The following MPP3 variants were observed in gnomAD, a reference collection of about 807,000 sequenced individuals.
MPP3 encodes MAGUK p55 subfamily member 3.
A neutral mutation model predicts 80.7 loss-of-function variants in MPP3; 48 were observed. The observed-to-expected ratio is 0.59, with a 90% CI of 0.47 to 0.76. The LOEUF is 0.76. Among genes scored for constraint, MPP3 ranks in the 30% least tolerant of loss-of-function variants. The probability of loss-of-function intolerance (pLI) is 0.00; values close to 1 mark genes in which losing one functional copy is unlikely to be tolerated. For missense variants in MPP3, 620 were observed against 763.0 expected, an observed-to-expected ratio of 0.81 and a Z score of 2.21; for synonymous variants, 311 against 297.6, an observed-to-expected ratio of 1.04 and a Z score of -0.46.
At chr17:43,806,748 A>G (rs1009416240) in intron 19 of MPP3, among the ~76,000 whole-genome samples, 34 of 152,172 alleles carry the variant, frequency 2.2e-4, no homozygotes, top group African/African-American at 7.9e-4. Context: ...AGCTGGGATT[A>G]CAGGCGCGTG....
In MPP3 at chr17:43,816,667, C is replaced by T; in HGVS notation, c.967+10G>A. ...CACGCCTGTGGACAGCGGATAGATA[C>T]TGGGCCTACCTTTGTCACAAGGCTG... On this transcript the variant is annotated intron_variant, in intron 13 of 19. Transcript: ENST00000398389. 1 of 1,573,204 alleles carries T rather than the reference C, an allele frequency of 6.4e-7. No individual in the cohort carries two copies. Among genetic ancestry groups the T allele is most frequent in the Non-Finnish European group, 8.6e-7 (1 of 1,158,604 alleles).
chr17:43,829,579 T>A (rs1484935147), intron 7 of MPP3, 75 bp downstream of exon 7: 5 of 1,556,234 alleles, frequency 3.2e-6, no homozygotes, highest in Non-Finnish European at 4.4e-6. Context: ...TCGGGGAGGA[T>A]CTTGTCCAGT....
chr17:43,808,690 C>T (rs192322382), intron 19 of MPP3, among the ~76,000 whole-genome samples: 6 of 152,296 alleles, frequency 3.9e-5, no homozygotes, highest in Admixed American at 2.0e-4. Flanking sequence ...TGCGGGAGGG[C>T]GCTTATGTGA....
In MPP3 at chr17:43,827,788, C is replaced by T; in HGVS notation, c.486G>A (p.Val162=). The T allele has an allele frequency of 6.2e-7, 1 of 1,613,004 alleles. No individual in the cohort carries two copies. The highest frequency in any genetic ancestry group is 8.5e-7 in the Non-Finnish European group (1 of 1,180,034). Residue 162 remains valine (V), a synonymous_variant, in exon 8 of 20, where the codon GTG becomes GTA. Coordinates refer to ENST00000398389, the MANE Select transcript of MPP3 (RefSeq NM_001932.6). ...CTGCGCCTCCTCGCATGATCCTGGC[C>T]ACCACAACAGCCCCTGAGTGCTCGT... is the stretch of plus-strand genomic sequence containing the variant. ...RRDEHSGAVV[V]ARIMRGGAAD... is the part of the protein sequence containing the mutation.
intron 7 of MPP3, 74 bp from the exon 8 acceptor site, chr17:43,827,906 C>T (rs1355701539): frequency 7.2e-7 from 1 of 1,379,896 alleles, no homozygotes; most frequent in African/African-American, 1.4e-5. Flanking sequence ...CTGGACCCAA[C>T]ACAGCCTCCC....
chr17:43,803,342 T>C (rs979446170), intron 19 of MPP3, among the ~76,000 whole-genome samples: 2 of 152,204 alleles, frequency 1.3e-5, no homozygotes, highest in African/African-American at 4.8e-5. Flanking sequence ...GGAAAGAACT[T>C]AAGTAAATCT....
intron 4 of MPP3, 94 bp from the exon 5 acceptor site, chr17:43,831,415 A>G: frequency 7.1e-7 from 1 of 1,415,260 alleles, no homozygotes; most frequent in Middle Eastern, 1.8e-4. Flanking sequence ...GGCCACTGAC[A>G]GGGCACCATA....
At chr17:43,814,960 G>A (rs1859049) in intron 14 of MPP3, among the ~76,000 whole-genome samples, 2,523 of 152,312 alleles carry the variant, frequency 0.017, 70 homozygotes, top group African/African-American at 0.057. Context: ...AGGAGCAACT[G>A]GTGAATCTGG....
At chr17:43,820,605 T>C (rs143471985) in intron 11 of MPP3, among the ~76,000 whole-genome samples, 2,435 of 125,014 alleles carry the variant, frequency 0.019, 60 homozygotes, top group African/African-American at 0.051. Context: ...AAAAAAAAAA[T>C]ACACACACAC....
chr17:43,829,895 G>A, intron 6 of MPP3, 104 bp from the exon 7 acceptor site: 1 of 1,571,302 alleles, frequency 6.4e-7, no homozygotes, highest in Non-Finnish European at 8.7e-7. Context: ...ATGCCAGAGA[G>A]ACAACTGCCC....
At chr17:43,808,495 G>C (rs965704799) in intron 19 of MPP3, among the ~76,000 whole-genome samples, 1 of 152,248 alleles carries the variant, frequency 6.6e-6, no homozygotes, top group African/African-American at 2.4e-5. Flanking sequence ...GGACACATCA[G>C]ACGATCTCAT....
At chr17:43,811,036 C>T in intron 17 of MPP3, 76 bp downstream of exon 17, 5 of 1,485,552 alleles carry the variant, frequency 3.4e-6, no homozygotes, top group Non-Finnish European at 4.7e-6. Context: ...GGGAGTCCTC[C>T]CAGGAGCTCT....
rs552921672 is a variant in MPP3, at chr17:43,811,108, G to A, written c.1349+4C>T. The A allele has an allele frequency of 8.0e-5, 129 of 1,612,318 alleles. 1 individual carries two copies. In the South Asian group the frequency reaches 1.1e-3, roughly 14 times the overall value. On this transcript the variant is annotated splice_donor_region_variant and intron_variant, in intron 17 of 19. Transcript: ENST00000398389. The stretch of plus-strand genomic sequence containing the variant: ...AGGGCCAACTGGCCCATCAAGCAAC[G>A]TACTTGTTGTGATGTAAGTCGGCCT...
At chr17:43,832,439 CCT>C (rs1438113176) in intron 2 of MPP3, among the ~76,000 whole-genome samples, 1 of 152,144 alleles carries the variant, frequency 6.6e-6, no homozygotes, top group African/African-American at 2.4e-5. Context: ...CTACAAGCCC[CCT>C]GTCCCCGACC....
At position 43,831,263 on chromosome 17, in the gene MPP3, G is replaced by A. The variant is rs780268141; in HGVS notation, c.203C>T (p.Ala68Val). The A allele has an allele frequency of 1.9e-6, 3 of 1,614,094 alleles. No homozygotes were observed. Among genetic ancestry groups the A allele is most frequent in the Non-Finnish European group, 2.5e-6 (3 of 1,180,018 alleles). ...GCTTACGTCCTCAGCGAGGGCCACA[G>A]CGCTGTGCAGAACTGGGGTTGGACT... ...RQSPTPVLHSAVALAEDVMEE... is the reference protein window; with the variant it reads ...RQSPTPVLHSVVALAEDVMEE... The change falls in exon 5 of 20, where the codon GCT (alanine) becomes GTT (valine). Residue 68 changes from alanine (A) to valine (V), a missense_variant. Ala to Val is a moderately conservative substitution (Grantham distance 64). Coordinates refer to ENST00000398389, the MANE Select transcript of MPP3 (RefSeq NM_001932.6).
rs747891564 is a variant in MPP3, at chr17:43,831,932, T to C, written c.-26A>G. 3.1e-6 allele frequency: 5 copies of C among 1,611,842 alleles called. No individual in the cohort carries two copies. In the East Asian group the frequency reaches 1.1e-4, roughly 36 times the overall value. On this transcript the variant is annotated 5_prime_UTR_variant, in exon 3 of 20. Transcript: ENST00000398389. Reference sequence around the variant, plus strand: ...GCTGGCGTTGTCACCTCCCGACCTCTCCCTGCAGATTCTGGGAGAAGGGGG... The same window carrying C: ...GCTGGCGTTGTCACCTCCCGACCTCCCCCTGCAGATTCTGGGAGAAGGGGG...
intron 11 of MPP3, among the ~76,000 whole-genome samples, chr17:43,819,583 T>C (rs1262255479): frequency 1.3e-5 from 2 of 152,008 alleles, no homozygotes; most frequent in African/African-American, 4.8e-5. Context: ...GAAGAGCGTC[T>C]GGCTTTTCCA....
rs773797880 is a variant in MPP3, at chr17:43,820,937, G to T, written c.806C>A (p.Thr269Lys). 1 of 1,614,074 alleles carries T rather than the reference G, an allele frequency of 6.2e-7. No individual in the cohort carries two copies. The highest frequency in any genetic ancestry group is 1.7e-5 in the Admixed American group (1 of 60,024). The part of the protein sequence containing the change: ...VLEVVSQDDP[T>K]WWQAKRVGDT... Reference sequence around the variant, plus strand: ...CCCGACTCGCTTGGCCTGCCACCACGTGGGGTCGTCCTGGCTCACCACCTC... The same window carrying T: ...CCCGACTCGCTTGGCCTGCCACCACTTGGGGTCGTCCTGGCTCACCACCTC... The change falls in exon 11 of 20, where the codon ACG (threonine) becomes AAG (lysine). Residue 269 changes from threonine to lysine, a missense_variant. Transcript: ENST00000398389.
At chr17:43,820,264 A>T (rs1019747432) in intron 11 of MPP3, among the ~76,000 whole-genome samples, 1 of 151,984 alleles carries the variant, frequency 6.6e-6, no homozygotes, top group Non-Finnish European at 1.5e-5. Flanking sequence ...CTGTATTTTT[A>T]TATTTTGTTT....
Sources: gnomAD v4.1 joint callset for allele counts (sites outside exome capture counted in the v4.1 genomes callset) on GRCh38, gnomAD v4.1.1 for gene constraint, MANE v1.5 for transcripts, NCBI Gene and HGNC (gene_info 2026-07-23, HGNC 2026-07-21) for gene names.